PLD5: variants seen among roughly 807,000 people sequenced by gnomAD.
The protein encoded by PLD5 is inactive phospholipase D5.
A neutral mutation model predicts 61.1 loss-of-function variants in PLD5; 36 were observed. The observed-to-expected ratio is 0.59, with a 90% CI of 0.45 to 0.78. The LOEUF (loss-of-function observed/expected upper bound fraction) is 0.78. PLD5 is among the 30% of genes least tolerant of loss of function. The pLI is 0.00. For missense variants in PLD5, 515 were observed against 644.4 expected (o/e 0.80, Z 2.17); for synonymous variants, 243 against 242.8 (o/e 1.00, Z -0.01).
intron 2 of PLD5, among the ~76,000 whole-genome samples, chr1:242,328,435 C>A (rs1008659826): frequency 1.6e-4 from 25 of 151,874 alleles, no homozygotes; most frequent in Admixed American, 1.6e-3. Context: ...TATGTGTGTT[C>A]TACATACATG....
In PLD5 at chr1:242,349,285, G is replaced by A. The variant is rs112899972; in HGVS notation, c.190-1043C>T. ...CACGCAGATGACGCTTCTAGGTAGCGGGCTTCAGAGAGAATAGATTGTAAA... is the reference window on the plus strand; with the variant it reads ...CACGCAGATGACGCTTCTAGGTAGCAGGCTTCAGAGAGAATAGATTGTAAA... On this transcript the variant is annotated intron_variant, in intron 1 of 9. Coordinates refer to ENST00000536534, the MANE Select transcript of PLD5 (RefSeq NM_001372062.1). Among the ~76,000 whole-genome samples the A allele has an allele frequency of 8.5e-5, 13 of 152,176 alleles. 1 individual carries two copies. Among genetic ancestry groups the A allele is most frequent in the South Asian group, 2.1e-4 (1 of 4,822 alleles).
intron 1 of PLD5, among the ~76,000 whole-genome samples, chr1:242,382,680 T>C (rs1230910099): frequency 6.6e-6 from 1 of 152,148 alleles, no homozygotes; most frequent in African/African-American, 2.4e-5. Context: ...AAAATGTCTT[T>C]CTGGCAACGG....
At chr1:242,374,494 C>T (rs138713629) in intron 1 of PLD5, among the ~76,000 whole-genome samples, 1 of 152,146 alleles carries the variant, frequency 6.6e-6, no homozygotes, top group Non-Finnish European at 1.5e-5. Flanking sequence ...CAATACCATT[C>T]TCCCCCAGGG....
intron 7 of PLD5, among the ~76,000 whole-genome samples, chr1:242,112,869 A>G (rs1033954163): frequency 3.3e-5 from 5 of 152,252 alleles, no homozygotes; most frequent in African/African-American, 4.8e-5. Context: ...GCACGAAAGC[A>G]AAAGTGGGAA....
Position 242,253,576 on chromosome 1 carries a change from G to C in PLD5, c.607+11761C>G, listed in dbSNP as rs184669101. ...GATCTGCCCGCCTCGGTCTCCCAAA[G>C]TGCTGGGATTACAGGCGTGAGCCAC... On this transcript the variant is annotated intron_variant, in intron 4 of 9. Coordinates refer to ENST00000536534, the MANE Select transcript of PLD5 (RefSeq NM_001372062.1). 1.4e-3 allele frequency among the ~76,000 whole-genome samples: 215 copies of C among 152,140 alleles called. 1 individual carries two copies. Among genetic ancestry groups the C allele is most frequent in the Non-Finnish European group, 2.6e-3 (174 of 68,010 alleles).
intron 1 of PLD5, among the ~76,000 whole-genome samples, chr1:242,517,286 T>C (rs1231317918): frequency 1.3e-5 from 2 of 152,222 alleles, no homozygotes; most frequent in Non-Finnish European, 2.9e-5. Flanking sequence ...TCTGCACAGA[T>C]AATTTTTCAA....
intron 1 of PLD5, among the ~76,000 whole-genome samples, chr1:242,351,565 C>T (rs560099100): frequency 6.6e-6 from 1 of 152,184 alleles, no homozygotes; most frequent in Non-Finnish European, 1.5e-5. Context: ...TTTGCTCCTC[C>T]TTCACTTTCC....
intron 3 of PLD5, among the ~76,000 whole-genome samples, chr1:242,279,298 G>C (rs1674583530): frequency 6.6e-6 from 1 of 152,168 alleles, no homozygotes; most frequent in African/African-American, 2.4e-5. Context: ...AGACCGGGAT[G>C]GTTTAAAACA....
intron 1 of PLD5, among the ~76,000 whole-genome samples, chr1:242,374,721 G>C (rs1661846539): frequency 6.6e-6 from 1 of 152,132 alleles, no homozygotes; most frequent in African/African-American, 2.4e-5. Flanking sequence ...AGACAGACAA[G>C]CCTTGCTGGG....
chr1:242,124,739 A>T, intron 5 of PLD5, 74 bp from the exon 6 acceptor site: 1 of 1,254,110 alleles, frequency 8.0e-7, no homozygotes, highest in South Asian at 1.3e-5. Context: ...AAAGGAATGC[A>T]TAAGAATGAG....
chr1:242,182,381 A>AG (rs910250123), intron 5 of PLD5, among the ~76,000 whole-genome samples: 9 of 150,648 alleles, frequency 6.0e-5, no homozygotes, highest in Non-Finnish European at 1.2e-4. Flanking sequence ...GGTTTTGAAA[A>AG]AACTATTCTG....
chr1:242,286,320 A>G (rs1675021265), intron 3 of PLD5, among the ~76,000 whole-genome samples: 1 of 152,016 alleles, frequency 6.6e-6, no homozygotes, highest in Admixed American at 6.6e-5. Context: ...AAAATATGTC[A>G]GGTTGGTATA....
intron 5 of PLD5, among the ~76,000 whole-genome samples, chr1:242,159,184 C>T (rs1440959968): frequency 6.6e-6 from 1 of 151,930 alleles, no homozygotes; most frequent in Non-Finnish European, 1.5e-5. Context: ...TTTTTTTATG[C>T]TTGATAATAA....
chr1:242,167,433 C>T (rs1232386424), intron 5 of PLD5, among the ~76,000 whole-genome samples: 1 of 152,100 alleles, frequency 6.6e-6, no homozygotes, highest in Non-Finnish European at 1.5e-5. Flanking sequence ...TCTCATGAGA[C>T]TTATTCATTA....
rs1230084074 is a variant in PLD5, at chr1:242,486,524, C to A, written c.189+37564G>T. 9.9e-5 allele frequency among the ~76,000 whole-genome samples: 15 copies of A among 152,198 alleles called. 1 individual carries two copies. Among genetic ancestry groups the A allele is most frequent in the Admixed American group, 6.5e-5 (1 of 15,286 alleles). On this transcript the variant is annotated intron_variant, in intron 1 of 9. Transcript: ENST00000536534. Reference sequence around the variant, plus strand: ...AACCACAATGAGATACCATCTCACACCAGTTAGAATGGTGATAAATAAAAA... The same window carrying A: ...AACCACAATGAGATACCATCTCACAACAGTTAGAATGGTGATAAATAAAAA...
chr1:242,236,207 T>G (rs991119440), intron 4 of PLD5, among the ~76,000 whole-genome samples: 2 of 152,208 alleles, frequency 1.3e-5, no homozygotes, highest in African/African-American at 4.8e-5. Flanking sequence ...ACCTTGACCC[T>G]GGACTTTCCA....
intron 5 of PLD5, among the ~76,000 whole-genome samples, chr1:242,147,077 T>G (rs895527169): frequency 2.0e-5 from 3 of 152,192 alleles, no homozygotes; most frequent in African/African-American, 7.2e-5. Flanking sequence ...TTCTTAGAAT[T>G]TTGAAATACA....
intron 5 of PLD5, among the ~76,000 whole-genome samples, chr1:242,128,282 G>T (rs1662951898): frequency 6.6e-6 from 1 of 150,460 alleles, no homozygotes; most frequent in African/African-American, 2.5e-5. Context: ...TCTAGCCTGG[G>T]CAACAGAGCA....
chr1:242,347,604 T>C lies in PLD5; in HGVS notation c.326+502A>G, dbSNP rs551283142. ...TGCATACATAAACCTGTAAAGCTAT[T>C]GTAGTTTCTAGATTAAAAACAAACT... On this transcript the variant is annotated intron_variant, in intron 2 of 9. Transcript: ENST00000536534. 1.8e-3 allele frequency among the ~76,000 whole-genome samples: 267 copies of C among 152,310 alleles called. 3 individuals are homozygous for C. Among genetic ancestry groups the C allele is most frequent in the African/African-American group, 6.0e-3 (250 of 41,546 alleles).
Sources: allele counts gnomAD v4.1 joint callset (sites outside exome capture counted in the v4.1 genomes callset), GRCh38; gene constraint gnomAD v4.1.1; transcripts MANE v1.5; gene names NCBI Gene and HGNC (gene_info 2026-07-23, HGNC 2026-07-21).